DIAPH2: variants seen among roughly 807,000 people sequenced by gnomAD.
DIAPH2 encodes protein diaphanous homolog 2.
Under a neutral mutation model 92.7 loss-of-function variants are expected in DIAPH2, and 35 were observed. The ratio of observed to expected loss-of-function variants is 0.38; its 90% CI spans 0.29 to 0.50. DIAPH2 has a LOEUF of 0.50. DIAPH2 is among the 20% of genes least tolerant of loss of function. The probability of loss-of-function intolerance (pLI) is 0.94; values close to 1 mark genes in which losing one functional copy is unlikely to be tolerated. For missense variants in DIAPH2, 701 were observed against 819.5 expected (o/e 0.86, Z 1.77); for synonymous variants, 301 against 280.4 (o/e 1.07, Z -0.73).
intron 5 of DIAPH2, among the ~76,000 whole-genome samples, chrX:96,906,047 T>C (rs1375110057): frequency 8.9e-6 from 1 of 112,008 alleles, no homozygotes; most frequent in Non-Finnish European, 1.9e-5. Context: ...GAGAATGGGG[T>C]GAACCCGGGA....
intron 17 of DIAPH2, among the ~76,000 whole-genome samples, chrX:97,005,731 G>A (rs1249106126): frequency 5.5e-5 from 6 of 109,677 alleles, no homozygotes; most frequent in African/African-American, 2.0e-4. Context: ...GGTAGAGATG[G>A]GGTTTCACCG....
intron 17 of DIAPH2, among the ~76,000 whole-genome samples, chrX:96,975,423 C>A (rs914958500): frequency 8.9e-6 from 1 of 111,984 alleles, no homozygotes; most frequent in African/African-American, 3.2e-5. Flanking sequence ...TCAGAGTGCA[C>A]AGCCCTTGTA....
chrX:96,881,664 A>G lies in DIAPH2; in HGVS notation c.533A>G (p.Lys178Arg). The part of the protein sequence containing the change: ...HELRSGISDE[K>R]LLNCLESLRV... The stretch of plus-strand genomic sequence containing the variant: ...TTACGATCGGGTATATCAGATGAGA[A>G]ACTTCTTAATTGCCTAGAATCCCTC... Residue 178 changes from lysine to arginine, a missense_variant, in exon 5 of 27, where the codon AAA (lysine) becomes AGA (arginine). Physicochemically the swap from Lys to Arg is conservative, Grantham distance 26. Around this residue, in one of 3 missense-constraint regions of DIAPH2, gnomAD observed 131 missense variants for 145.6 expected, o/e 0.90. Transcript: ENST00000324765. 8.3e-7 allele frequency: 1 copy of G among 1,209,332 alleles called. No homozygotes were observed. The highest frequency in any genetic ancestry group is 1.1e-6 in the Non-Finnish European group (1 of 894,026).
Position 97,099,618 on chromosome X carries a change from C to T in DIAPH2, c.2248-76C>T, listed in dbSNP as rs2066893112. 4 of 634,652 alleles carry T rather than the reference C, an allele frequency of 6.3e-6. No homozygotes were observed. In the African/African-American group the frequency reaches 9.4e-5, roughly 15 times the overall value. The allele number at this position is 634,652 out of a possible 1,213,427, so 52.3% of individuals were successfully genotyped here. ...AGAAATGTACTGTCCTAGTTAATCA[C>T]TTTCATAATTGTTAATGCATGTTTA... On this transcript the variant is annotated intron_variant, in intron 19 of 26. Coordinates refer to ENST00000324765, the MANE Select transcript of DIAPH2 (RefSeq NM_006729.5).
At chrX:96,869,113 A>G (rs1191881264) in intron 4 of DIAPH2, among the ~76,000 whole-genome samples, 1 of 111,215 alleles carries the variant, frequency 9.0e-6, no homozygotes, top group African/African-American at 3.3e-5. Context: ...TGGGATATGA[A>G]TAAATTAGAA....
chrX:96,807,944 CAAAAAAAAAAAAAAAAAAAAAA>C (rs541681495), intron 4 of DIAPH2, among the ~76,000 whole-genome samples: 148 of 14,482 alleles, frequency 0.01, 1 homozygote, highest in African/African-American at 0.027. Flanking sequence ...GTAGAAATAG[CAAAAAAAAAAAAAAAAAAAAAA>C]AAAAAAAAAA....
intron 21 of DIAPH2, among the ~76,000 whole-genome samples, chrX:97,138,822 G>C (rs2067190768): frequency 9.0e-6 from 1 of 111,066 alleles, no homozygotes; most frequent in Admixed American, 9.7e-5. Context: ...GCTGGAGAGA[G>C]GAAAAACACA....
At chrX:97,414,361 C>G (rs1343462923) in intron 25 of DIAPH2, among the ~76,000 whole-genome samples, 5 of 111,799 alleles carry the variant, frequency 4.5e-5, no homozygotes, top group Non-Finnish European at 9.4e-5. Context: ...ATGTAGAAAG[C>G]TGAAACTGTC....
At chrX:96,961,821 C>G (rs1004426105) in intron 16 of DIAPH2, among the ~76,000 whole-genome samples, 1 of 109,973 alleles carries the variant, frequency 9.1e-6, no homozygotes, top group Non-Finnish European at 1.9e-5. Context: ...TATGTACTTG[C>G]ATAGTTTCTG....
At chrX:97,497,313 T>G (rs1003020665) in intron 26 of DIAPH2, among the ~76,000 whole-genome samples, 31 of 110,419 alleles carry the variant, frequency 2.8e-4, no homozygotes, top group Non-Finnish European at 4.7e-4. Flanking sequence ...TAAAATGGAG[T>G]TGGCACTCCA....
chrX:97,562,507 G>C (rs909806140), intron 26 of DIAPH2, among the ~76,000 whole-genome samples: 2 of 94,384 alleles, frequency 2.1e-5, no homozygotes, highest in Non-Finnish European at 4.2e-5. Context: ...CTGCACTCCA[G>C]CCTGGGTGAC....
intron 4 of DIAPH2, among the ~76,000 whole-genome samples, chrX:96,837,490 T>C (rs969726973): frequency 5.0e-5 from 5 of 100,827 alleles, no homozygotes; most frequent in Admixed American, 4.6e-4. Flanking sequence ...GTAGAGAGCA[T>C]AGTCAAGGAA....
At position 96,758,143 on chromosome X, in the gene DIAPH2, A is replaced by C; in HGVS notation, c.343-11A>C. The C allele has an allele frequency of 3.4e-6, 4 of 1,172,444 alleles. No individual in the cohort carries two copies. The highest frequency in any genetic ancestry group is 4.6e-6 in the Non-Finnish European group (4 of 877,571). ...TTTATCAATGCCCACAGTAAATGTT[A>C]TCTCTTACAGGAGGACATGAACCTT... On this transcript the variant is annotated splice_polypyrimidine_tract_variant and intron_variant, in intron 3 of 26. Coordinates refer to ENST00000324765, the MANE Select transcript of DIAPH2 (RefSeq NM_006729.5).
intron 26 of DIAPH2, among the ~76,000 whole-genome samples, chrX:97,485,611 T>C (rs1282828516): frequency 8.8e-6 from 1 of 113,115 alleles, no homozygotes; most frequent in Non-Finnish European, 1.9e-5. Flanking sequence ...GATTTTTGCT[T>C]GAGGTGATCA....
chrX:97,318,046 C>G (rs186771147), intron 23 of DIAPH2, among the ~76,000 whole-genome samples: 58 of 111,922 alleles, frequency 5.2e-4, no homozygotes, highest in African/African-American at 1.8e-3. Flanking sequence ...TTTATTCTTA[C>G]TATCTAATTG....
At chrX:96,951,775 TA>T (rs1475562084) in intron 15 of DIAPH2, among the ~76,000 whole-genome samples, 1 of 112,237 alleles carries the variant, frequency 8.9e-6, no homozygotes, top group African/African-American at 3.2e-5. Flanking sequence ...ATTTGATTTT[TA>T]AAGGCTGGTA....
At chrX:97,273,780 G>A (rs2068410902) in intron 23 of DIAPH2, among the ~76,000 whole-genome samples, 2 of 111,696 alleles carry the variant, frequency 1.8e-5, no homozygotes, top group South Asian at 3.7e-4. Flanking sequence ...GTTATTTTAG[G>A]TTTCCACTGA....
chrX:96,894,378 T>G (rs1468068133), intron 5 of DIAPH2, among the ~76,000 whole-genome samples: 1 of 111,360 alleles, frequency 9.0e-6, no homozygotes, highest in Non-Finnish European at 1.9e-5. Flanking sequence ...TATTGAAGAT[T>G]GGAGTGCTGT....
intron 26 of DIAPH2, chrX:97,555,345 C>A: frequency 2.0e-6 from 1 of 489,746 alleles, no homozygotes; most frequent in Non-Finnish European, 2.5e-6. Context: ...GGTCTGCATT[C>A]TTCAGGAAAG....
Sources: allele counts gnomAD v4.1 joint callset (sites outside exome capture counted in the v4.1 genomes callset), GRCh38; gene constraint gnomAD v4.1.1; regional missense constraint gnomAD v4.1.1; transcripts MANE v1.5; gene names NCBI Gene and HGNC (gene_info 2026-07-23, HGNC 2026-07-21).